The following AKT3 variants were observed in gnomAD, a reference collection of about 807,000 sequenced individuals.
AKT3 encodes the protein AKT serine/threonine kinase 3, also known as RAC-gamma serine/threonine-protein kinase.
In AKT3, 15 loss-of-function variants were observed where a neutral mutation model predicts 65.3. The observed-to-expected ratio is 0.23, with a 90% confidence interval of 0.15 to 0.35. The LOEUF (loss-of-function observed/expected upper bound fraction) is 0.35, where lower values mean the gene tolerates loss of function less well. Ranked by LOEUF, AKT3 falls within the 10% of genes least tolerant of loss-of-function variation. The pLI is 1.00. For synonymous variants in AKT3, 206 were observed against 183.8 expected (o/e 1.12, Z -0.98); for missense variants, 243 against 576.5 (o/e 0.42, Z 5.92).
chr1:243,652,183 G>A (rs756751087), intron 4 of AKT3, among the ~76,000 whole-genome samples: 5 of 151,940 alleles, frequency 3.3e-5, no homozygotes, highest in Admixed American at 6.6e-5. Flanking sequence ...AAGTAGCTAG[G>A]AGTACAGGTG....
rs759359511 is a variant in AKT3, at chr1:243,504,080, A to AT, written c.*1168dup. On this transcript the variant is annotated 3_prime_UTR_variant, in exon 14 of 14. Coordinates refer to ENST00000673466, the MANE Select transcript of AKT3 (RefSeq NM_005465.7). ...ATATATTCCATTTCAGAGCCTTATC[A>AT]TTTTTTTTAACAGAGGAGAAAAAGT... 9 of 223,270 alleles carry AT rather than the reference A, an allele frequency of 4.0e-5. No homozygotes were observed. The highest frequency in any genetic ancestry group is 1.1e-4 in the African/African-American group (5 of 44,850). The allele number at this position is 223,270 out of a possible 1,614,324, so 13.8% of individuals were successfully genotyped here.
intron 2 of AKT3, among the ~76,000 whole-genome samples, chr1:243,789,589 T>G (rs1691488811): frequency 6.6e-6 from 1 of 152,170 alleles, no homozygotes; most frequent in South Asian, 2.1e-4. Flanking sequence ...GAAATTCAAC[T>G]TTTTCCAAAC....
chr1:243,792,651 T>A (rs1008022352), intron 2 of AKT3, among the ~76,000 whole-genome samples: 2 of 152,154 alleles, frequency 1.3e-5, no homozygotes, highest in African/African-American at 2.4e-5. Flanking sequence ...GAAGAGTTTA[T>A]AGGAGCCAAG....
At chr1:243,532,650 A>T (rs942074614) in intron 12 of AKT3, among the ~76,000 whole-genome samples, 3 of 152,112 alleles carry the variant, frequency 2.0e-5, no homozygotes, top group Non-Finnish European at 1.5e-5. Context: ...CATCAGGATA[A>T]TGCTCCCTTC....
At chr1:243,712,678 T>G (rs1164944914) in intron 2 of AKT3, among the ~76,000 whole-genome samples, 1 of 152,192 alleles carries the variant, frequency 6.6e-6, no homozygotes, top group Non-Finnish European at 1.5e-5. Context: ...CAAAAATTTT[T>G]GGTGTTCTAG....
chr1:243,707,605 T>C (rs574677156), intron 2 of AKT3, among the ~76,000 whole-genome samples: 12 of 152,282 alleles, frequency 7.9e-5, no homozygotes, highest in Admixed American at 1.3e-4. Context: ...CTCATTATTC[T>C]GGGTTTTTTT....
chr1:243,785,304 T>A (rs1460176499), intron 2 of AKT3, among the ~76,000 whole-genome samples: 3 of 151,762 alleles, frequency 2.0e-5, no homozygotes, highest in Non-Finnish European at 4.4e-5. Context: ...GGTCTCGATC[T>A]CCTGACCTTG....
intron 2 of AKT3, chr1:243,735,706 A>G (rs1368579662): frequency 6.6e-6 from 1 of 152,110 alleles, no homozygotes; most frequent in Non-Finnish European, 1.5e-5. Context: ...CCATCTTTTT[A>G]TTAGATAGCT....
At chr1:243,795,898 C>T (rs1422051477) in intron 2 of AKT3, among the ~76,000 whole-genome samples, 1 of 152,156 alleles carries the variant, frequency 6.6e-6, no homozygotes, top group African/African-American at 2.4e-5. Flanking sequence ...TGAAGGGACT[C>T]ACCCATCCAC....
intron 3 of AKT3, among the ~76,000 whole-genome samples, chr1:243,694,135 A>T (rs1229201541): frequency 1.3e-5 from 2 of 152,158 alleles, no homozygotes; most frequent in Admixed American, 6.6e-5. Flanking sequence ...CAGCAGATAC[A>T]AGAATTCTGT....
chr1:243,638,716 T>G (rs1184615416), intron 5 of AKT3, among the ~76,000 whole-genome samples: 2 of 152,234 alleles, frequency 1.3e-5, no homozygotes, highest in Admixed American at 1.3e-4. Context: ...AAATTACAAG[T>G]CACTGAAAAT....
chr1:243,763,712 A>G (rs1689639424), intron 2 of AKT3, among the ~76,000 whole-genome samples: 1 of 152,158 alleles, frequency 6.6e-6, no homozygotes, highest in Non-Finnish European at 1.5e-5. Context: ...ATAACTGCAT[A>G]TAATTTTGTA....
downstream of AKT3, among the ~76,000 whole-genome samples, chr1:243,497,702 C>G (rs185728921): frequency 1.3e-5 from 2 of 152,298 alleles, no homozygotes; most frequent in East Asian, 1.9e-4. Flanking sequence ...CAGGTCTTTA[C>G]GCCTATTCTG....
intron 8 of AKT3, among the ~76,000 whole-genome samples, chr1:243,605,801 G>A (rs1487213534): frequency 6.6e-6 from 1 of 152,152 alleles, no homozygotes; most frequent in East Asian, 1.9e-4. Flanking sequence ...AGGCAGATAT[G>A]GTTTGGCTGT....
At chr1:243,780,699 G>C (rs1160291631) in intron 2 of AKT3, among the ~76,000 whole-genome samples, 1 of 151,852 alleles carries the variant, frequency 6.6e-6, no homozygotes, top group Non-Finnish European at 1.5e-5. Context: ...GTTAAAATTT[G>C]AGTAATGAGC....
At chr1:243,581,486 G>A (rs2148525546) in intron 8 of AKT3, among the ~76,000 whole-genome samples, 1 of 152,090 alleles carries the variant, frequency 6.6e-6, no homozygotes, top group Non-Finnish European at 1.5e-5. Flanking sequence ...CAAAGTCAAA[G>A]ACCCTACCCA....
At position 243,597,851 on chromosome 1, in the gene AKT3, T is replaced by C. The variant is rs187410008; in HGVS notation, c.696+15820A>G. Among the ~76,000 whole-genome samples the C allele has an allele frequency of 3.6e-4, 55 of 152,350 alleles. 2 individuals are homozygous for C. Among genetic ancestry groups the C allele is most frequent in the Admixed American group, 3.4e-3 (52 of 15,304 alleles). ...TTGCTCATGTAGTATACTAAGCACA[T>C]AGTACAGTGCCTGCCTTGAAGAAAG... On this transcript the variant is annotated intron_variant, in intron 8 of 13. Transcript: ENST00000673466.
intron 12 of AKT3, among the ~76,000 whole-genome samples, chr1:243,513,411 A>ATGACAGAAATCAGCATGT (rs1389279446): frequency 3.3e-5 from 5 of 152,202 alleles, no homozygotes; most frequent in Non-Finnish European, 7.3e-5. Context: ...GGCAAACAGA[A>ATGACAGAAATCAGCATGT]TGACAGAAAT....
At chr1:243,814,808 AT>A (rs1693403154) in intron 2 of AKT3, 1 of 152,230 alleles carries the variant, frequency 6.6e-6, no homozygotes, top group Non-Finnish European at 1.5e-5. Context: ...TGGGTCAGGA[AT>A]TCAAGACCAG....
Sources: allele counts gnomAD v4.1 joint callset (sites outside exome capture counted in the v4.1 genomes callset), GRCh38; gene constraint gnomAD v4.1.1; transcripts MANE v1.5; gene names NCBI Gene and HGNC (gene_info 2026-07-23, HGNC 2026-07-21).